The following SLC4A4 variants were observed in gnomAD, a reference collection of about 807,000 sequenced individuals.
SLC4A4 encodes electrogenic sodium bicarbonate cotransporter 1.
SLC4A4 carries 27 observed loss-of-function variants against 111.5 expected under a neutral mutation model. The ratio of observed to expected loss-of-function variants is 0.24; its 90% confidence interval spans 0.18 to 0.33. The LOEUF (loss-of-function observed/expected upper bound fraction) is 0.33. Ranked by LOEUF, SLC4A4 falls within the 10% of genes least tolerant of loss-of-function variation. SLC4A4 has a pLI of 1.00. For missense variants in SLC4A4, 909 were observed against 1,315.5 expected, an observed-to-expected ratio of 0.69 and a Z score of 4.78; for synonymous variants, 443 against 463.4, an observed-to-expected ratio of 0.96 and a Z score of 0.57.
At chr4:71,226,287 G>A (rs918845519) in intron 1 of SLC4A4, among the ~76,000 whole-genome samples, 2 of 152,158 alleles carry the variant, frequency 1.3e-5, no homozygotes, top group African/African-American at 4.8e-5. Flanking sequence ...TGGGACTTTA[G>A]GCATATGCCA....
At chr4:71,387,757 C>T (rs939590453) in intron 6 of SLC4A4, among the ~76,000 whole-genome samples, 1 of 152,094 alleles carries the variant, frequency 6.6e-6, no homozygotes, top group African/African-American at 2.4e-5. Context: ...GCCTCCGAAG[C>T]GCTGGGATTA....
At chr4:71,495,027 T>C (rs2089905543) in intron 15 of SLC4A4, among the ~76,000 whole-genome samples, 1 of 152,134 alleles carries the variant, frequency 6.6e-6, no homozygotes, top group Non-Finnish European at 1.5e-5. Context: ...TGCTGAGATA[T>C]GTGCATGCCA....
At chr4:71,182,351 G>C (rs941181416), upstream of SLC4A4, among the ~76,000 whole-genome samples, 3 of 152,128 alleles carry the variant, frequency 2.0e-5, no homozygotes, top group African/African-American at 7.2e-5. Flanking sequence ...AGTGTTTTCC[G>C]TGAAGACATG....
At chr4:71,359,416 T>C (rs754502689) in intron 6 of SLC4A4, among the ~76,000 whole-genome samples, 10 of 152,224 alleles carry the variant, frequency 6.6e-5, no homozygotes, top group Non-Finnish European at 1.0e-4. Flanking sequence ...TAACTTCTTT[T>C]AAATATCCAG....
chr4:71,500,939 G>A (rs1273795337), intron 16 of SLC4A4, among the ~76,000 whole-genome samples: 4 of 151,934 alleles, frequency 2.6e-5, no homozygotes, highest in African/African-American at 9.7e-5. Flanking sequence ...GGCTATTTGG[G>A]GTCTTTTGTG....
chr4:71,339,519 G>A lies in SLC4A4; in HGVS notation c.389+14G>A. The A allele has an allele frequency of 1.2e-6, 2 of 1,612,024 alleles. No homozygotes were observed. The highest frequency in any genetic ancestry group is 1.7e-5 in the Admixed American group (1 of 60,024). ...GGAAACAGCCAGGTGAGGCATAGCT[G>A]ACTGTATGTAGTACTGACCCAGGGA... On this transcript the variant is annotated intron_variant, in intron 4 of 25. Transcript: ENST00000264485.
intron 11 of SLC4A4, among the ~76,000 whole-genome samples, 195 bp downstream of exon 11, chr4:71,451,496 T>G (rs917501927): frequency 6.6e-6 from 1 of 152,206 alleles, no homozygotes; most frequent in African/African-American, 2.4e-5. Flanking sequence ...GATCTTATAT[T>G]GTAGTGACAA....
At chr4:71,461,449 A>G (rs1455847055) in intron 12 of SLC4A4, among the ~76,000 whole-genome samples, 1 of 152,264 alleles carries the variant, frequency 6.6e-6, no homozygotes, top group East Asian at 1.9e-4. Context: ...AAAACAACAA[A>G]AGTCACTTTT....
At chr4:71,063,674 T>A (rs183848656) in intron 1 of SLC4A4, among the ~76,000 whole-genome samples, 2 of 152,292 alleles carry the variant, frequency 1.3e-5, no homozygotes, top group Admixed American at 1.3e-4. Context: ...TGAAATTTAT[T>A]GTTTCATACC....
chr4:71,308,624 G>A (rs900512285), intron 3 of SLC4A4, among the ~76,000 whole-genome samples: 5 of 151,832 alleles, frequency 3.3e-5, no homozygotes, highest in Non-Finnish European at 7.4e-5. Context: ...GCAAGGGGCC[G>A]GGGGACTCCC....
chr4:71,169,476 C>T (rs1744879415), intron 2 of SLC4A4, among the ~76,000 whole-genome samples: 1 of 152,222 alleles, frequency 6.6e-6, no homozygotes, highest in Non-Finnish European at 1.5e-5. Context: ...TTTTCATATA[C>T]CTGTTTGCCA....
chr4:71,270,836 T>C (rs746006084), intron 3 of SLC4A4, among the ~76,000 whole-genome samples: 5 of 152,232 alleles, frequency 3.3e-5, no homozygotes, highest in Non-Finnish European at 7.3e-5. Context: ...CATAGGCTCA[T>C]TGGGGAACAA....
rs1263907716 is a variant in SLC4A4, at chr4:71,569,931, G to T, written c.*2180G>T. On this transcript the variant is annotated 3_prime_UTR_variant, in exon 26 of 26. Transcript: ENST00000264485. Reference sequence around the variant, plus strand: ...TTAAAACCTCACTTGCCAAATTCTGGCTTCACATTTGTATTTAGGGCTATC... The same window carrying T: ...TTAAAACCTCACTTGCCAAATTCTGTCTTCACATTTGTATTTAGGGCTATC... 6.6e-6 allele frequency: 1 copy of T among 151,546 alleles called. No individual in the cohort carries two copies. The highest frequency in any genetic ancestry group is 1.9e-4 in the East Asian group (1 of 5,142). The allele number at this position is 151,546 out of a possible 1,614,324, so 9.4% of individuals were successfully genotyped here.
At chr4:71,515,263 T>C (rs1202025014) in intron 16 of SLC4A4, among the ~76,000 whole-genome samples, 2 of 152,100 alleles carry the variant, frequency 1.3e-5, no homozygotes, top group African/African-American at 2.4e-5. Flanking sequence ...GTTTAATTTC[T>C]ATATATTTTT....
At chr4:71,078,232 C>A (rs1195305718) in intron 1 of SLC4A4, among the ~76,000 whole-genome samples, 13 of 152,026 alleles carry the variant, frequency 8.6e-5, no homozygotes, top group Non-Finnish European at 1.9e-4. Flanking sequence ...TTCATTCATT[C>A]ATTATTTATT....
At chr4:71,176,314 A>G (rs1196316304) in intron 2 of SLC4A4, among the ~76,000 whole-genome samples, 4 of 152,254 alleles carry the variant, frequency 2.6e-5, no homozygotes, top group South Asian at 2.1e-4. Flanking sequence ...TAGCAATGGA[A>G]CAAAGCTGGA....
At chr4:71,319,843 T>A (rs1461874680) in intron 3 of SLC4A4, among the ~76,000 whole-genome samples, 2 of 151,962 alleles carry the variant, frequency 1.3e-5, no homozygotes, top group East Asian at 3.9e-4. Flanking sequence ...CTGTCAGAAT[T>A]GAAGCTGAGC....
intron 3 of SLC4A4, among the ~76,000 whole-genome samples, chr4:71,288,566 T>C (rs1423582794): frequency 3.9e-5 from 6 of 152,036 alleles, no homozygotes; most frequent in Non-Finnish European, 5.9e-5. Context: ...GCCTGCCTAA[T>C]TTTTGTGTTT....
Position 71,313,419 on chromosome 4 carries a change from A to C in SLC4A4, c.254-25951A>C, listed in dbSNP as rs376917374. Among the ~76,000 whole-genome samples the C allele has an allele frequency of 4.0e-4, 61 of 152,336 alleles. No homozygotes were observed. In the South Asian group the frequency reaches 0.012, roughly 31 times the overall value. On this transcript the variant is annotated intron_variant, in intron 3 of 25. Transcript: ENST00000264485. ...CACTGACTTTCTTCACAGAATTAGA[A>C]AAAAACTACTTTAAATTCCATATGG...
Sources: allele counts gnomAD v4.1 joint callset (sites outside exome capture counted in the v4.1 genomes callset), GRCh38; gene constraint gnomAD v4.1.1; transcripts MANE v1.5; gene names NCBI Gene and HGNC (gene_info 2026-07-23, HGNC 2026-07-21).